The following DOCK1 variants were observed in gnomAD, a reference collection of about 807,000 sequenced individuals.
DOCK1 encodes the protein dedicator of cytokinesis protein 1.
In DOCK1, 138 loss-of-function variants were observed where a neutral mutation model predicts 262.7. The ratio of observed to expected loss-of-function variants is 0.53; its 90% CI spans 0.46 to 0.61. The LOEUF is 0.61. DOCK1 is among the 20% of genes least tolerant of loss of function. The pLI is 0.00. For missense variants in DOCK1, 1,908 were observed against 2,370.7 expected, an observed-to-expected ratio of 0.80 and a Z score of 4.05; for synonymous variants, 866 against 867.4, an observed-to-expected ratio of 1.00 and a Z score of 0.03.
In DOCK1 at chr10:127,175,473, G is replaced by A. The variant is rs1312508770; in HGVS notation, c.2847+47709G>A. 1.2e-6 allele frequency: 2 copies of A among 1,609,660 alleles called. No individual in the cohort carries two copies. Among genetic ancestry groups the A allele is most frequent in the Admixed American group, 3.3e-5 (2 of 60,024 alleles). ...GGGGGACAGGCACTGCATCGGGGGT[G>A]AGCAGGCCAGGGCAGTTTCCGAGGG... On this transcript the variant is annotated intron_variant, in intron 27 of 51. Coordinates refer to ENST00000623213, the MANE Select transcript of DOCK1 (RefSeq NM_001290223.2). This position sits in a 1 kb window ranked among gnomAD's most constrained non-coding sequence, Gnocchi z 6.3.
rs11018137 is a variant in DOCK1, at chr10:127,018,679, T to C, written c.1202-31T>C. ...ACTTCTAAAAATGCATAGGATAAAA[T>C]GCGACTTAAGAGCATCCATTGTTTT... is the stretch of plus-strand genomic sequence containing the variant. On this transcript the variant is annotated intron_variant, in intron 12 of 51. Coordinates refer to ENST00000623213, the MANE Select transcript of DOCK1 (RefSeq NM_001290223.2). 6,315 of 1,613,854 alleles carry C rather than the reference T, an allele frequency of 3.9e-3. 10 individuals are homozygous for C. Among genetic ancestry groups the C allele is most frequent in the Non-Finnish European group, 4.9e-3 (5,788 of 1,179,836 alleles).
At chr10:127,326,142 C>G (rs2062739179) in intron 29 of DOCK1, among the ~76,000 whole-genome samples, 1 of 152,156 alleles carries the variant, frequency 6.6e-6, no homozygotes, top group Non-Finnish European at 1.5e-5. Context: ...GCTGACTGAT[C>G]AGGATGGTGG....
At position 127,151,969 on chromosome 10, in the gene DOCK1, A is replaced by G. The variant is rs556386359; in HGVS notation, c.2847+24205A>G. Among the ~76,000 whole-genome samples the G allele has an allele frequency of 1.8e-4, 28 of 152,072 alleles. No individual in the cohort carries two copies. In the South Asian group the frequency reaches 5.4e-3, roughly 29 times the overall value. On this transcript the variant is annotated intron_variant, in intron 27 of 51. Transcript: ENST00000623213. ...AGGAGTGAATTCTGGATTTAGAGCTAAGTTCATTTAAATTATTTCAGTTAG... is the reference window on the plus strand; with the variant it reads ...AGGAGTGAATTCTGGATTTAGAGCTGAGTTCATTTAAATTATTTCAGTTAG...
chr10:126,958,573 T>C (rs2036937676), intron 1 of DOCK1, among the ~76,000 whole-genome samples: 1 of 152,042 alleles, frequency 6.6e-6, no homozygotes, highest in African/African-American at 2.4e-5. Flanking sequence ...TCTGGAGCCG[T>C]TGGTGGGGTC....
chr10:127,345,536 C>G (rs1406631923), intron 31 of DOCK1, among the ~76,000 whole-genome samples: 1 of 152,240 alleles, frequency 6.6e-6, no homozygotes, highest in African/African-American at 2.4e-5. Context: ...TTCAGGCCTC[C>G]TCAGCTGGGT....
intron 10 of DOCK1, among the ~76,000 whole-genome samples, chr10:127,002,628 A>T (rs1286482100): frequency 6.6e-6 from 1 of 152,108 alleles, no homozygotes; most frequent in Non-Finnish European, 1.5e-5. Flanking sequence ...AGCCTGGGTT[A>T]TTCACTGGGG....
chr10:126,954,216 G>A (rs990167475), intron 1 of DOCK1, among the ~76,000 whole-genome samples: 9 of 152,112 alleles, frequency 5.9e-5, no homozygotes, highest in Admixed American at 3.3e-4. Context: ...ATATAACATT[G>A]CTCATCAGGC....
At chr10:127,298,152 G>A (rs983148809) in intron 29 of DOCK1, among the ~76,000 whole-genome samples, 1 of 152,130 alleles carries the variant, frequency 6.6e-6, no homozygotes, top group Non-Finnish European at 1.5e-5. Flanking sequence ...TTTAGTATTT[G>A]TTCATGCATA....
intron 22 of DOCK1, among the ~76,000 whole-genome samples, chr10:127,059,528 T>C (rs1564770835): frequency 6.6e-6 from 1 of 152,238 alleles, no homozygotes; most frequent in Non-Finnish European, 1.5e-5. Context: ...CTGTGGATTG[T>C]CTTCCATTTT....
chr10:127,167,218 G>A (rs368720392), intron 27 of DOCK1, among the ~76,000 whole-genome samples: 1 of 152,114 alleles, frequency 6.6e-6, no homozygotes, highest in Non-Finnish European at 1.5e-5. Flanking sequence ...AATATGAAAT[G>A]TGCTTCCCAT....
intron 23 of DOCK1, among the ~76,000 whole-genome samples, chr10:127,080,744 T>G (rs1357890719): frequency 6.6e-6 from 1 of 152,236 alleles, no homozygotes; most frequent in Non-Finnish European, 1.5e-5. Flanking sequence ...AAATCAGCTT[T>G]ATTTATTTTG....
chr10:127,375,187 T>A (rs1184918589), intron 35 of DOCK1, among the ~76,000 whole-genome samples: 1 of 152,244 alleles, frequency 6.6e-6, no homozygotes, highest in Non-Finnish European at 1.5e-5. Flanking sequence ...CAAGCTCAGA[T>A]CCCGGCCAGC....
intron 36 of DOCK1, 110 bp downstream of exon 36, chr10:127,380,232 A>T (rs1048074785): frequency 1.2e-5 from 11 of 919,340 alleles, no homozygotes; most frequent in African/African-American, 1.7e-5. Flanking sequence ...TTTTGTAGAA[A>T]ATTGTGAAAC....
intron 29 of DOCK1, among the ~76,000 whole-genome samples, chr10:127,290,067 C>G (rs1202088573): frequency 6.7e-6 from 1 of 150,158 alleles, no homozygotes; most frequent in Non-Finnish European, 1.5e-5. Context: ...CTAAAATTTC[C>G]TATTCAGTCT....
rs2034827864 is a variant in DOCK1, at chr10:126,939,454, T to A, written c.47-31248T>A. On this transcript the variant is annotated intron_variant, in intron 1 of 51. Coordinates refer to ENST00000623213, the MANE Select transcript of DOCK1 (RefSeq NM_001290223.2). Reference sequence around the variant, plus strand: ...ATCTAAATTCTAGGATGAATTTTTCTATTTCTGCATGTACCTGTTTACTTT... The same window carrying A: ...ATCTAAATTCTAGGATGAATTTTTCAATTTCTGCATGTACCTGTTTACTTT... 2.0e-5 allele frequency among the ~76,000 whole-genome samples: 3 copies of A among 152,234 alleles called. No individual in the cohort carries two copies. The South Asian group carries it at 6.2e-4, about 31-fold the overall frequency.
chr10:127,060,291 C>T (rs2045445042), intron 22 of DOCK1, among the ~76,000 whole-genome samples: 1 of 152,092 alleles, frequency 6.6e-6, no homozygotes. Flanking sequence ...AGGTGTTCTT[C>T]ATGCCACTTG....
At chr10:127,417,344 T>C (rs1332417693) in intron 44 of DOCK1, among the ~76,000 whole-genome samples, 1 of 152,166 alleles carries the variant, frequency 6.6e-6, no homozygotes, top group East Asian at 1.9e-4. Flanking sequence ...AGGGCTGAGC[T>C]GGAGGGCACT....
At chr10:127,308,482 T>C (rs1228194899) in intron 29 of DOCK1, among the ~76,000 whole-genome samples, 1 of 152,228 alleles carries the variant, frequency 6.6e-6, no homozygotes, top group African/African-American at 2.4e-5. Context: ...GTTTGTTACA[T>C]AGGTATACAT....
chr10:127,235,325 C>T (rs1448023381), intron 27 of DOCK1, among the ~76,000 whole-genome samples: 2 of 149,606 alleles, frequency 1.3e-5, no homozygotes, highest in Non-Finnish European at 3.0e-5. Flanking sequence ...AGTCAGTTCT[C>T]TCTTCTTTGT....
Sources: gnomAD v4.1 joint callset for allele counts (sites outside exome capture counted in the v4.1 genomes callset) on GRCh38, gnomAD v4.1.1 for gene constraint, Gnocchi (gnomAD v3.1) non-coding constraint, MANE v1.5 for transcripts, NCBI Gene and HGNC (gene_info 2026-07-23, HGNC 2026-07-21) for gene names.